FAM186A: variants seen among roughly 807,000 people sequenced by gnomAD.
FAM186A encodes family with sequence similarity 186 member A, also known as protein FAM186A.
A neutral mutation model predicts 216.8 loss-of-function variants in FAM186A; 163 were observed. The ratio of observed to expected loss-of-function variants is 0.75; its 90% confidence interval spans 0.66 to 0.86. The LOEUF (loss-of-function observed/expected upper bound fraction) is 0.86, where lower values mean the gene tolerates loss of function less well. Ranked by LOEUF, FAM186A falls within the 40% of genes least tolerant of loss-of-function variation. The probability of loss-of-function intolerance (pLI) is 0.00; values close to 1 mark genes in which losing one functional copy is unlikely to be tolerated. For missense variants in FAM186A, 2,184 were observed against 2,746.2 expected (o/e 0.80, Z 4.58); for synonymous variants, 805 against 1,025.3 (o/e 0.79, Z 4.10).
At chr12:50,346,914 A>G (rs180777211) in intron 4 of FAM186A, among the ~76,000 whole-genome samples, 2 of 151,170 alleles carry the variant, frequency 1.3e-5, no homozygotes, top group African/African-American at 4.9e-5. Flanking sequence ...GTGGTCACAC[A>G]TGCACACACA....
intron 4 of FAM186A, among the ~76,000 whole-genome samples, chr12:50,338,551 A>G (rs553785494): frequency 3.3e-5 from 5 of 152,290 alleles, no homozygotes; most frequent in African/African-American, 1.2e-4. Context: ...CATGCAACAC[A>G]TTTAAGTCTC....
At chr12:50,333,840 T>C in intron 5 of FAM186A, 71 bp downstream of exon 5, 1 of 1,383,310 alleles carries the variant, frequency 7.2e-7, no homozygotes, top group Non-Finnish European at 9.7e-7. Context: ...TCCAGGTAAA[T>C]GTCATTTACA....
In FAM186A at chr12:50,350,500, G is replaced by A. The variant is rs372753266; in HGVS notation, c.6332C>T (p.Ala2111Val). The A allele has an allele frequency of 2.1e-4, 325 of 1,551,604 alleles. 2 individuals carry two copies. The African/African-American group carries it at 4.0e-3, about 19-fold the overall frequency. The change falls in exon 4 of 8, where the codon GCT becomes GTT. Residue 2111 changes from alanine to valine, a missense_variant. This residue lies in a region of FAM186A where 721 missense variants were observed against 816.4 expected (regional missense o/e 0.88). Coordinates refer to ENST00000327337, the MANE Select transcript of FAM186A (RefSeq NM_001145475.3). ...EEKRYFVDVE[A>V]QKKNLILLNQ... is the part of the protein sequence containing the mutation. ...TAATAGTATCAGGTTCTTCTTCTGA[G>A]CCTCCACATCAACAAAATACCTCTT...
intron 4 of FAM186A, among the ~76,000 whole-genome samples, chr12:50,337,635 C>T (rs1409820200): frequency 2.6e-5 from 4 of 151,674 alleles, no homozygotes; most frequent in African/African-American, 9.7e-5. Flanking sequence ...CGGCGGCTCA[C>T]GCCTGTCATC....
intron 4 of FAM186A, among the ~76,000 whole-genome samples, chr12:50,339,992 C>T (rs562701536): frequency 2.6e-5 from 4 of 152,182 alleles, no homozygotes; most frequent in East Asian, 3.9e-4. Context: ...CACCTGCCAT[C>T]GTGCCTGGCT....
chr12:50,367,852 AAAT>A (rs1943105428), intron 1 of FAM186A, among the ~76,000 whole-genome samples: 1 of 152,162 alleles, frequency 6.6e-6, no homozygotes, highest in South Asian at 2.1e-4. Context: ...ATAGCATCAA[AAAT>A]AATAATATAT....
At chr12:50,381,902 G>T (rs986112561) in intron 1 of FAM186A, among the ~76,000 whole-genome samples, 17 of 152,182 alleles carry the variant, frequency 1.1e-4, no homozygotes, top group Non-Finnish European at 1.9e-4. Flanking sequence ...TGAGGCTGCT[G>T]TGAGCCATGA....
rs1266660128 is a variant in FAM186A, at chr12:50,367,294, G to A, written c.193-3930C>T. Among the ~76,000 whole-genome samples, 7 of 151,800 alleles carry A rather than the reference G, an allele frequency of 4.6e-5. No individual in the cohort carries two copies. In the East Asian group the frequency reaches 5.8e-4, roughly 13 times the overall value. ...AGCACTTTGGGAGGCCGAGGCAGGC[G>A]GATCATGAGGTCAGGAGATCGAGAC... is the stretch of plus-strand genomic sequence containing the variant. On this transcript the variant is annotated intron_variant, in intron 1 of 7. Transcript: ENST00000327337.
chr12:50,354,097 T>G lies in FAM186A; in HGVS notation c.2735A>C (p.Gln912Pro). The G allele has an allele frequency of 6.4e-7, 1 of 1,551,782 alleles. No individual in the cohort carries two copies. Among genetic ancestry groups the G allele is most frequent in the Non-Finnish European group, 8.7e-7 (1 of 1,147,010 alleles). The change falls in exon 4 of 8, where the codon CAG becomes CCG. Residue 912 changes from glutamine to proline, a missense_variant. Coordinates refer to ENST00000327337, the MANE Select transcript of FAM186A (RefSeq NM_001145475.3). ...TGACTTTGGAAGCTCTTCTTCCTCC[T>G]GTCCTCTTTGCTTTTGCTTTTCCTC... ...EQEEKQKQRGQEEEELPKSSL... is the reference protein window; with the variant it reads ...EQEEKQKQRGPEEEELPKSSL...
chr12:50,364,188 C>G (rs967952787), intron 1 of FAM186A, among the ~76,000 whole-genome samples: 1 of 151,982 alleles, frequency 6.6e-6, no homozygotes, highest in Non-Finnish European at 1.5e-5. Context: ...TTTTGTGTGT[C>G]TCACCGGAAT....
intron 1 of FAM186A, among the ~76,000 whole-genome samples, chr12:50,385,682 C>T (rs1943296305): frequency 6.6e-6 from 1 of 151,698 alleles, no homozygotes; most frequent in Non-Finnish European, 1.5e-5. Context: ...GGGTGGATCA[C>T]GAGGTCTCAG....
In FAM186A at chr12:50,353,800, G is replaced by GGAGAT. The variant is rs1447966604; in HGVS notation, c.3027_3031dup (p.Pro1011HisfsTer9). The GGAGAT allele has an allele frequency of 3.9e-6, 6 of 1,551,494 alleles. No individual in the cohort carries two copies. The East Asian group carries it at 1.5e-4, about 38-fold the overall frequency. On this transcript the variant is annotated frameshift_variant, in exon 4 of 8. Coordinates refer to ENST00000327337, the MANE Select transcript of FAM186A (RefSeq NM_001145475.3). LOFTEE classifies it high-confidence loss of function. ...ATCTTTCAATACACTCTTCCACCTGGGAGATAATGTCATTGGAGTTTGGAT... is the reference window on the plus strand; with the variant it reads ...ATCTTTCAATACACTCTTCCACCTGGGAGATGAGATAATGTCATTGGAGTTTGGAT...
At chr12:50,372,998 TGAAAGAAAGAAA>T (rs71083549) in intron 1 of FAM186A, among the ~76,000 whole-genome samples, 621 of 48,902 alleles carry the variant, frequency 0.013, 14 homozygotes, top group African/African-American at 0.043. Flanking sequence ...AAGGAAGGAA[TGAAAGAAAGAAA>T]GAAAGAAAGA....
chr12:50,393,513 G>A (rs1943383913), intron 1 of FAM186A, among the ~76,000 whole-genome samples: 1 of 151,078 alleles, frequency 6.6e-6, no homozygotes, highest in South Asian at 2.1e-4. Flanking sequence ...TTGCACTCCA[G>A]CCTGGGTGTC....
At chr12:50,367,022 CA>C (rs1240610514) in intron 1 of FAM186A, among the ~76,000 whole-genome samples, 1 of 151,316 alleles carries the variant, frequency 6.6e-6, no homozygotes, top group African/African-American at 2.4e-5. Flanking sequence ...TTAACACAAA[CA>C]AAAAACATAT....
chr12:50,330,027 G>A (rs1472207534), intron 7 of FAM186A, among the ~76,000 whole-genome samples: 1 of 152,154 alleles, frequency 6.6e-6, no homozygotes, highest in Non-Finnish European at 1.5e-5. Context: ...TATCTGTCCT[G>A]AAAGAGTTAA....
chr12:50,342,686 C>T (rs1942776159), intron 4 of FAM186A, among the ~76,000 whole-genome samples: 1 of 151,414 alleles, frequency 6.6e-6, no homozygotes, highest in African/African-American at 2.4e-5. Context: ...CCATGTTAGC[C>T]AGGATGGTCT....
chr12:50,389,595 A>C (rs1943339067), intron 1 of FAM186A, among the ~76,000 whole-genome samples: 3 of 152,220 alleles, frequency 2.0e-5, no homozygotes, highest in African/African-American at 7.2e-5. Context: ...CCGAAGCTGT[A>C]TCGCTGGCCT....
intron 1 of FAM186A, among the ~76,000 whole-genome samples, chr12:50,391,519 T>C (rs1269565570): frequency 6.6e-6 from 1 of 151,666 alleles, no homozygotes; most frequent in Non-Finnish European, 1.5e-5. Flanking sequence ...TTTTACCATA[T>C]TGGCCAGGCT....
Sources: gnomAD v4.1 joint callset for allele counts (sites outside exome capture counted in the v4.1 genomes callset) on GRCh38, gnomAD v4.1.1 for gene constraint, gnomAD v4.1.1 regional missense constraint, MANE v1.5 for transcripts, NCBI Gene and HGNC (gene_info 2026-07-23, HGNC 2026-07-21) for gene names.